SORT1: variants seen among roughly 807,000 people sequenced by gnomAD.
The protein encoded by SORT1 is sortilin.
Under a neutral mutation model 101.7 loss-of-function variants are expected in SORT1, and 39 were observed. The ratio of observed to expected loss-of-function variants is 0.38; its 90% CI spans 0.30 to 0.50. SORT1 has a LOEUF of 0.50. Among genes scored for constraint, SORT1 ranks in the 20% least tolerant of loss-of-function variants. The probability of loss-of-function intolerance (pLI) is 0.90; values close to 1 mark genes in which losing one functional copy is unlikely to be tolerated. For synonymous variants in SORT1, 396 were observed against 393.7 expected (o/e 1.01, Z -0.07); for missense variants, 878 against 1,040.4 (o/e 0.84, Z 2.15).
At chr1:109,337,311 A>G (rs1648898530) in intron 10 of SORT1, among the ~76,000 whole-genome samples, 1 of 152,094 alleles carries the variant, frequency 6.6e-6, no homozygotes, top group African/African-American at 2.4e-5. Flanking sequence ...CAATGGCACA[A>G]TCTCAGCTCA....
chr1:109,335,286 G>A (rs1648736730), intron 11 of SORT1, among the ~76,000 whole-genome samples: 1 of 152,194 alleles, frequency 6.6e-6, no homozygotes, highest in Non-Finnish European at 1.5e-5. Flanking sequence ...GGAGAGGCAT[G>A]GGGAGCCTGC....
chr1:109,314,332 C>T lies in SORT1; in HGVS notation c.2410G>A (p.Val804Met). ...GTGTCCAAAGCATCCACACCATCCA[C>T]ACCATTGGCCTCTGCATGCTGCTGC... is the stretch of plus-strand genomic sequence containing the variant. ...VLQQHAEANG[V>M]DGVDALDTAS... Residue 804 changes from valine (V) to methionine (M), a missense_variant, in exon 19 of 20, where the codon GTG (valine) becomes ATG (methionine). Physicochemically the swap from Val to Met is conservative, Grantham distance 21. Transcript: ENST00000256637. 6.2e-7 allele frequency: 1 copy of T among 1,613,978 alleles called. No homozygotes were observed.
Position 109,390,749 on chromosome 1 carries a change from G to C in SORT1, c.306+6838C>G, listed in dbSNP as rs1249704749. On this transcript the variant is annotated intron_variant, in intron 1 of 19. Transcript: ENST00000256637. The stretch of plus-strand genomic sequence containing the variant: ...GCAAACTGGCTTCAGTACAATATTA[G>C]AAAGTGTGTGTGTGTGTGTGTATGT... Among the ~76,000 whole-genome samples, 3 of 149,876 alleles carry C rather than the reference G, an allele frequency of 2.0e-5. No individual in the cohort carries two copies. In the East Asian group the frequency reaches 5.8e-4, roughly 29 times the overall value.
chr1:109,326,644 C>A, intron 13 of SORT1, among the ~76,000 whole-genome samples: 1 of 147,318 alleles, frequency 6.8e-6, no homozygotes, highest in Non-Finnish European at 1.5e-5. Context: ...AGACAAGGGA[C>A]AAGGTCTCCC....
intron 6 of SORT1, among the ~76,000 whole-genome samples, chr1:109,347,881 T>C (rs557789589): frequency 2.6e-5 from 4 of 152,342 alleles, no homozygotes; most frequent in African/African-American, 9.6e-5. Flanking sequence ...GCCAGGGATG[T>C]TGCTACACAT....
At chr1:109,328,124 T>C (rs527484957) in intron 11 of SORT1, among the ~76,000 whole-genome samples, 12 of 152,356 alleles carry the variant, frequency 7.9e-5, no homozygotes, top group African/African-American at 2.9e-4. Context: ...CCCCACACTT[T>C]ATTTACTCAT....
At chr1:109,364,383 T>C (rs966038108) in intron 3 of SORT1, among the ~76,000 whole-genome samples, 2 of 152,178 alleles carry the variant, frequency 1.3e-5, no homozygotes, top group Non-Finnish European at 2.9e-5. Context: ...TTAAAACACG[T>C]TGACATCCAT....
intron 3 of SORT1, among the ~76,000 whole-genome samples, chr1:109,359,291 G>C (rs1650555466): frequency 6.6e-6 from 1 of 152,084 alleles, no homozygotes; most frequent in African/African-American, 2.4e-5. Flanking sequence ...CTGCCCTTAT[G>C]ACCTAATCAC....
At chr1:109,347,415 C>T in intron 7 of SORT1, 68 bp downstream of exon 7, 1 of 1,108,248 alleles carries the variant, frequency 9.0e-7, no homozygotes, top group Non-Finnish European at 1.4e-6. Context: ...TTCTACCTTG[C>T]ACAACCCAGA....
chr1:109,327,675 C>T, intron 11 of SORT1, 74 bp from the exon 12 acceptor site: 1 of 988,256 alleles, frequency 1.0e-6, no homozygotes, highest in Non-Finnish European at 1.5e-6. Flanking sequence ...TCACAAAACC[C>T]TTCCAATAAA....
At chr1:109,384,538 T>C (rs1269862719) in intron 1 of SORT1, among the ~76,000 whole-genome samples, 1 of 152,232 alleles carries the variant, frequency 6.6e-6, no homozygotes, top group Non-Finnish European at 1.5e-5. Flanking sequence ...TGGGAGAAGA[T>C]AGCCCCACAT....
chr1:109,374,473 C>T (rs112269548), intron 1 of SORT1, among the ~76,000 whole-genome samples: 199 of 152,100 alleles, frequency 1.3e-3, no homozygotes, highest in African/African-American at 4.5e-3. Flanking sequence ...CACCTGTAAT[C>T]CCAGCTACTC....
At position 109,336,228 on chromosome 1, in the gene SORT1, G is replaced by C. The variant is rs763905944; in HGVS notation, c.1371+12C>G. ...AGGCTGCTGTGCTCTGCACACATTA[G>C]AGTAAACAAACCTCATTCTTGTTTT... On this transcript the variant is annotated intron_variant, in intron 11 of 19. Transcript: ENST00000256637. The C allele has an allele frequency of 4.5e-6, 7 of 1,545,060 alleles. No homozygotes were observed. Among genetic ancestry groups the C allele is most frequent in the Non-Finnish European group, 6.3e-6 (7 of 1,116,782 alleles).
rs192504883 is a variant in SORT1, at chr1:109,345,400, A to G, written c.963+351T>C. Among the ~76,000 whole-genome samples, 7 of 152,200 alleles carry G rather than the reference A, an allele frequency of 4.6e-5. No individual in the cohort carries two copies. In the East Asian group the frequency reaches 1.4e-3, roughly 29 times the overall value. Reference sequence around the variant, plus strand: ...TGTGGTGGTGCACACCTATAGTCCCACTTACTTGGGAGGTTGAGGCAGGTG... The same window carrying G: ...TGTGGTGGTGCACACCTATAGTCCCGCTTACTTGGGAGGTTGAGGCAGGTG... On this transcript the variant is annotated intron_variant, in intron 8 of 19. Transcript: ENST00000256637.
At position 109,316,920 on chromosome 1, in the gene SORT1, A is replaced by G; in HGVS notation, c.2180T>C (p.Val727Ala). Residue 727 changes from valine to alanine, a missense_variant, in exon 17 of 20, where the codon GTA (valine) becomes GCA (alanine). By Grantham distance (64) the Val-to-Ala change is moderately conservative. Around this residue, in one of 2 missense-constraint regions of SORT1, gnomAD observed 684 missense variants for 894.5 expected, o/e 0.76. Coordinates refer to ENST00000256637, the MANE Select transcript of SORT1 (RefSeq NM_002959.7). ...GTCTTTTACTTCTCGAACTGGATTTACCCCACCCTGGCATTTGTCCCCTGG... is the reference window on the plus strand; with the variant it reads ...GTCTTTTACTTCTCGAACTGGATTTGCCCCACCCTGGCATTTGTCCCCTGG... ...KIPGDKCQGG[V>A]NPVREVKDLK... The G allele has an allele frequency of 6.2e-7, 1 of 1,611,122 alleles. No individual in the cohort carries two copies. The highest frequency in any genetic ancestry group is 8.5e-7 in the Non-Finnish European group (1 of 1,178,910).
chr1:109,397,323 T>A (rs1653243491), intron 1 of SORT1: 1 of 155,836 alleles, frequency 6.4e-6, no homozygotes, highest in Non-Finnish European at 1.4e-5. Context: ...AAAAACGATG[T>A]TCAAGAGATT....
intron 14 of SORT1, among the ~76,000 whole-genome samples, chr1:109,323,541 T>C (rs1647781110): frequency 6.6e-6 from 1 of 152,224 alleles, no homozygotes; most frequent in Non-Finnish European, 1.5e-5. Context: ...AAGATACTAA[T>C]TAGCCAAGAG....
chr1:109,390,969 T>A (rs1557830185), intron 1 of SORT1, among the ~76,000 whole-genome samples: 1 of 152,108 alleles, frequency 6.6e-6, no homozygotes. Flanking sequence ...ATATTTATGG[T>A]AAGCTGACCA....
chr1:109,373,071 G>A (rs1399266240), intron 1 of SORT1, among the ~76,000 whole-genome samples: 1 of 149,592 alleles, frequency 6.7e-6, no homozygotes, highest in Non-Finnish European at 1.5e-5. Flanking sequence ...GAAAAGAAAA[G>A]AAAAAAAAAC....
Sources: allele counts gnomAD v4.1 joint callset (sites outside exome capture counted in the v4.1 genomes callset), GRCh38; gene constraint gnomAD v4.1.1; regional missense constraint gnomAD v4.1.1; transcripts MANE v1.5; gene names NCBI Gene and HGNC (gene_info 2026-07-23, HGNC 2026-07-21).